Variants in SYCP2L observed in about 807,000 individuals in gnomAD.
The protein encoded by SYCP2L is synaptonemal complex protein 2 like.
In SYCP2L, 98 loss-of-function variants were observed where a neutral mutation model predicts 125.8. The ratio of observed to expected loss-of-function variants is 0.78; its 90% CI spans 0.66 to 0.92. SYCP2L has a LOEUF of 0.92. Among genes scored for constraint, SYCP2L ranks in the 40% least tolerant of loss-of-function variants. SYCP2L has a pLI of 0.00. For missense variants in SYCP2L, 842 were observed against 936.4 expected, an observed-to-expected ratio of 0.90 and a Z score of 1.32; for synonymous variants, 317 against 325.4, an observed-to-expected ratio of 0.97 and a Z score of 0.28.
intron 5 of SYCP2L, 62 bp downstream of exon 5, chr6:10,898,177 G>C: frequency 1.6e-6 from 2 of 1,227,168 alleles, no homozygotes; most frequent in Non-Finnish European, 2.4e-6. Flanking sequence ...GAATCTTCAA[G>C]TTATTTATAA....
In SYCP2L at chr6:10,930,350, T is replaced by C; in HGVS notation, c.1489-20T>C. 1 of 1,602,040 alleles carries C rather than the reference T, an allele frequency of 6.2e-7. No homozygotes were observed. The highest frequency in any genetic ancestry group is 1.1e-5 in the South Asian group (1 of 88,526). On this transcript the variant is annotated intron_variant, in intron 18 of 29. Transcript: ENST00000283141. ...ACTAACACCCCTCTAAAAATTCTCA[T>C]TTATGATCTGTGCTTGTAGAAGTCT...
At chr6:10,958,269 A>C (rs183571783) in intron 25 of SYCP2L, among the ~76,000 whole-genome samples, 96 of 152,248 alleles carry the variant, frequency 6.3e-4, no homozygotes, top group African/African-American at 2.2e-3. Flanking sequence ...TACAGGAAGC[A>C]TGGCACTGGC....
rs776628534 is a variant in SYCP2L, at chr6:10,931,500, TG to T, written c.1683+12del. ...CATGAGAAAGACCAAGTAAGTACAT[TG>T]TATCTGGGTTGCTGTGTGCCCTGTG... On this transcript the variant is annotated intron_variant, in intron 20 of 29. Coordinates refer to ENST00000283141, the MANE Select transcript of SYCP2L (RefSeq NM_001040274.3). The T allele has an allele frequency of 3.9e-5, 63 of 1,613,536 alleles. No homozygotes were observed. In the South Asian group the frequency reaches 6.6e-4, roughly 17 times the overall value.
At chr6:10,972,768 T>C (rs1781797373) in intron 29 of SYCP2L, among the ~76,000 whole-genome samples, 2 of 152,202 alleles carry the variant, frequency 1.3e-5, no homozygotes, top group South Asian at 4.1e-4. Context: ...GCTCAACTTA[T>C]CCTCCTGTCT....
intron 1 of SYCP2L, among the ~76,000 whole-genome samples, chr6:10,887,354 C>T (rs974640096): frequency 6.6e-6 from 1 of 152,146 alleles, no homozygotes; most frequent in Non-Finnish European, 1.5e-5. Flanking sequence ...AGCTAAATAG[C>T]GCTCAGGGAA....
At position 10,961,365 on chromosome 6, in the gene SYCP2L, G is replaced by A. The variant is rs774243805; in HGVS notation, c.2316G>A (p.Gln772=). The part of the protein sequence containing the change: ...LVLQELSSLK[Q]DIQALEHLEK... ...TTCAAGAGTTGAGCAGTCTTAAGCA[G>A]GATATTCAGGCCCTGGAACACCTTG... The change falls in exon 27 of 30, where the codon CAG becomes CAA. Residue 772 remains glutamine (Q), a synonymous_variant. Coordinates refer to ENST00000283141, the MANE Select transcript of SYCP2L (RefSeq NM_001040274.3). The A allele has an allele frequency of 2.6e-5, 42 of 1,614,056 alleles. No individual in the cohort carries two copies. Among genetic ancestry groups the A allele is most frequent in the Middle Eastern group, 3.3e-4 (2 of 6,084 alleles).
rs1781471360 is a variant in SYCP2L, at chr6:10,954,786, ATT to A, written c.1955-328_1955-327del. On this transcript the variant is annotated intron_variant, in intron 23 of 29. Coordinates refer to ENST00000283141, the MANE Select transcript of SYCP2L (RefSeq NM_001040274.3). This position sits in a 1 kb window ranked among gnomAD's most constrained non-coding sequence, Gnocchi z 4.8. ...TGCCTGGAAACCTTGCTGTCTTGCT[ATT>A]TAGCTCAGAGCCCTGGAAGCGTTGC... Among the ~76,000 whole-genome samples the A allele has an allele frequency of 6.6e-6, 1 of 152,120 alleles. No homozygotes were observed. Among genetic ancestry groups the A allele is most frequent in the Non-Finnish European group, 1.5e-5 (1 of 68,022 alleles).
intron 16 of SYCP2L, among the ~76,000 whole-genome samples, chr6:10,926,913 G>T (rs994697461): frequency 1.3e-5 from 2 of 151,904 alleles, no homozygotes; most frequent in African/African-American, 4.8e-5. Context: ...CCAAGTAGCT[G>T]GTACTACAGG....
At chr6:10,923,121 C>A (rs986195612) in intron 14 of SYCP2L, among the ~76,000 whole-genome samples, 1 of 152,144 alleles carries the variant, frequency 6.6e-6, no homozygotes, top group Non-Finnish European at 1.5e-5. Context: ...GATTTAGACT[C>A]ATGTATGTTT....
At position 10,932,815 on chromosome 6, in the gene SYCP2L, G is replaced by T. The variant is rs1781020670; in HGVS notation, c.1683+1326G>T. 2.0e-5 allele frequency among the ~76,000 whole-genome samples: 3 copies of T among 152,098 alleles called. No homozygotes were observed. The South Asian group carries it at 6.2e-4, about 32-fold the overall frequency. ...GTCACCTAGGCTGAAGTGCAGTAGT[G>T]CGATCTCAGCTCACTGCAACCACCA... On this transcript the variant is annotated intron_variant, in intron 20 of 29. Transcript: ENST00000283141.
intron 14 of SYCP2L, among the ~76,000 whole-genome samples, chr6:10,913,306 AG>A (rs906786220): frequency 1.1e-4 from 17 of 152,334 alleles, no homozygotes; most frequent in African/African-American, 4.1e-4. Context: ...AAAATCAGGT[AG>A]TAAACTGTGG....
chr6:10,955,294 C>A, intron 24 of SYCP2L, 77 bp downstream of exon 24: 1 of 887,554 alleles, frequency 1.1e-6, no homozygotes, highest in Non-Finnish European at 1.8e-6. Flanking sequence ...CAACATGAAT[C>A]ACAAGGGAGG....
At chr6:10,907,367 T>A (rs1053957865) in intron 9 of SYCP2L, among the ~76,000 whole-genome samples, 175 bp from the exon 10 acceptor site, 3 of 148,026 alleles carry the variant, frequency 2.0e-5, no homozygotes, top group Non-Finnish European at 4.4e-5. Context: ...AAAAAAAAAA[T>A]AGAATTTAAA....
At position 10,924,489 on chromosome 6, in the gene SYCP2L, C is replaced by G. The variant is rs775801461; in HGVS notation, c.1073-7C>G. 2 of 1,555,620 alleles carry G rather than the reference C, an allele frequency of 1.3e-6. No homozygotes were observed. Among genetic ancestry groups the G allele is most frequent in the Admixed American group, 4.4e-5 (2 of 45,734 alleles). ...GCTATGCATTGATATTCCATATTTT[C>G]TCTTAGAAACGGAGAAGATAAAGAT... On this transcript the variant is annotated splice_polypyrimidine_tract_variant and splice_region_variant and intron_variant, in intron 14 of 29. Coordinates refer to ENST00000283141, the MANE Select transcript of SYCP2L (RefSeq NM_001040274.3).
At chr6:10,959,729 C>G (rs1183684296) in intron 26 of SYCP2L, among the ~76,000 whole-genome samples, 2 of 151,878 alleles carry the variant, frequency 1.3e-5, no homozygotes. Flanking sequence ...ATTAGCCAGG[C>G]GTGGTGGCGC....
intron 29 of SYCP2L, among the ~76,000 whole-genome samples, chr6:10,966,423 A>G (rs1446353834): frequency 6.6e-6 from 1 of 152,242 alleles, no homozygotes; most frequent in East Asian, 1.9e-4. Context: ...ATCTCAGTCC[A>G]AAAGCCAGTA....
chr6:10,911,810 A>G (rs1026932094), intron 12 of SYCP2L, among the ~76,000 whole-genome samples: 1 of 151,948 alleles, frequency 6.6e-6, no homozygotes, highest in African/African-American at 2.4e-5. Flanking sequence ...TACAAAGGAA[A>G]GATGTCCAAG....
chr6:10,955,110 C>A lies in SYCP2L; in HGVS notation c.1955-6C>A, dbSNP rs554274931. The A allele has an allele frequency of 5.0e-6, 8 of 1,601,436 alleles. No individual in the cohort carries two copies. The South Asian group carries it at 8.8e-5, about 18-fold the overall frequency. ...TCAAAAGGAAATGTGCTCTGTTTGC[C>A]TGTAGACATACCAGAAGGTAGTTTT... is the stretch of plus-strand genomic sequence containing the variant. On this transcript the variant is annotated splice_polypyrimidine_tract_variant and splice_region_variant and intron_variant, in intron 23 of 29. Coordinates refer to ENST00000283141, the MANE Select transcript of SYCP2L (RefSeq NM_001040274.3).
chr6:10,916,178 A>G (rs11757873), intron 14 of SYCP2L, among the ~76,000 whole-genome samples: 22,741 of 151,928 alleles, frequency 0.15, 2,144 homozygotes, highest in Middle Eastern at 0.3. Context: ...CTCCTGTTTC[A>G]TTTCTTACTG....
Sources: gnomAD v4.1 joint callset for allele counts (sites outside exome capture counted in the v4.1 genomes callset) on GRCh38, gnomAD v4.1.1 for gene constraint, Gnocchi (gnomAD v3.1) non-coding constraint, MANE v1.5 for transcripts, NCBI Gene and HGNC (gene_info 2026-07-23, HGNC 2026-07-21) for gene names.